PTPN3: variants seen among roughly 807,000 people sequenced by gnomAD.
PTPN3 encodes the protein protein tyrosine phosphatase non-receptor type 3.
A neutral mutation model predicts 132.7 loss-of-function variants in PTPN3; 96 were observed. The ratio of observed to expected loss-of-function variants is 0.72; its 90% CI spans 0.61 to 0.86. PTPN3 has a LOEUF of 0.86. PTPN3 is among the 40% of genes least tolerant of loss of function. The probability of loss-of-function intolerance (pLI) is 0.00; values close to 1 mark genes in which losing one functional copy is unlikely to be tolerated. For missense variants in PTPN3, 1,125 were observed against 1,159.6 expected (o/e 0.97, Z 0.43); for synonymous variants, 398 against 429.0 (o/e 0.93, Z 0.89).
intron 1 of PTPN3, among the ~76,000 whole-genome samples, chr9:109,463,935 T>C (rs982459607): frequency 2.0e-5 from 3 of 152,122 alleles, no homozygotes; most frequent in Admixed American, 6.5e-5. Flanking sequence ...AGTCGCAATA[T>C]ATACATCTGC....
At chr9:109,443,731 G>A (rs774343300) in intron 7 of PTPN3, among the ~76,000 whole-genome samples, 16 of 152,106 alleles carry the variant, frequency 1.1e-4, no homozygotes, top group Non-Finnish European at 1.8e-4. Context: ...TGAAATGGCC[G>A]GGCCTGTCCC....
intron 14 of PTPN3, among the ~76,000 whole-genome samples, chr9:109,413,060 C>T (rs1265310662): frequency 6.6e-6 from 1 of 151,888 alleles, no homozygotes; most frequent in Non-Finnish European, 1.5e-5. Flanking sequence ...ATTCTCCTGC[C>T]TCAGTCTCCC....
chr9:109,386,227 G>A (rs1193020685), intron 22 of PTPN3, among the ~76,000 whole-genome samples: 1 of 152,064 alleles, frequency 6.6e-6, no homozygotes, highest in Non-Finnish European at 1.5e-5. Context: ...GGGAGGAAAA[G>A]GGAGGAAATA....
chr9:109,445,743 C>A (rs1304811097), intron 6 of PTPN3, among the ~76,000 whole-genome samples: 1 of 152,200 alleles, frequency 6.6e-6, no homozygotes, highest in Non-Finnish European at 1.5e-5. Flanking sequence ...TACCCTCTTT[C>A]TAAAATAGTA....
chr9:109,398,585 T>C (rs1471486525), intron 19 of PTPN3, among the ~76,000 whole-genome samples: 1 of 152,192 alleles, frequency 6.6e-6, no homozygotes, highest in Non-Finnish European at 1.5e-5. Context: ...TGGTGGTCTT[T>C]TGTAGCCACT....
At chr9:109,417,589 C>G (rs1485964822) in intron 14 of PTPN3, 1 of 984,412 alleles carries the variant, frequency 1.0e-6, no homozygotes, top group Non-Finnish European at 1.2e-6. Flanking sequence ...TACTTCTTAC[C>G]TGGAGCAATG....
chr9:109,463,269 A>G, intron 2 of PTPN3, 28 bp downstream of exon 2: 2 of 1,530,532 alleles, frequency 1.3e-6, no homozygotes, highest in Non-Finnish European at 1.8e-6. Flanking sequence ...AATTCAGGAA[A>G]AGTAAAAAAA....
the PTPN3 span, among the ~76,000 whole-genome samples, chr9:109,526,740 G>A: frequency 1.3e-5 from 2 of 152,154 alleles, no homozygotes; most frequent in Admixed American, 6.5e-5. Context: ...AATAGAAGAA[G>A]ATGAACAGAG....
At chr9:109,451,328 G>T (rs1845233952) in intron 5 of PTPN3, 3 of 979,478 alleles carry the variant, frequency 3.1e-6, no homozygotes, top group Non-Finnish European at 3.6e-6. Context: ...TAAATCTGGT[G>T]CCCAAATCCC....
intron 1 of PTPN3, among the ~76,000 whole-genome samples, chr9:109,490,110 G>A (rs1158434004): frequency 6.6e-6 from 1 of 152,036 alleles, no homozygotes; most frequent in Non-Finnish European, 1.5e-5. Flanking sequence ...TTGAACCCAG[G>A]AGGCAGAGGT....
intron 1 of PTPN3, among the ~76,000 whole-genome samples, chr9:109,476,797 C>T (rs12554549): frequency 0.049 from 7,482 of 152,280 alleles, 290 homozygotes; most frequent in Admixed American, 0.1. Flanking sequence ...GGGCCTGGCC[C>T]GCCACAGCCA....
chr9:109,422,780 T>C lies in PTPN3; in HGVS notation c.1074A>G (p.Leu358=). The C allele has an allele frequency of 1.2e-6, 2 of 1,611,538 alleles. No homozygotes were observed. The highest frequency in any genetic ancestry group is 1.7e-4 in the Middle Eastern group (1 of 6,060). Reference sequence around the variant, plus strand: ...TCTTGGTTTCTAAGTGCTCCACTGATAAGGATCTCCGCATGGCTGGGTTCC... The same window carrying C: ...TCTTGGTTTCTAAGTGCTCCACTGACAAGGATCTCCGCATGGCTGGGTTCC... ...MVWNPAMRRS[L]SVEHLETKSL... Residue 358 remains leucine, a synonymous_variant, in exon 13 of 26, where the codon TTA becomes TTG. Transcript: ENST00000374541.
chr9:109,463,239 A>G (rs1008208557), intron 2 of PTPN3, 58 bp downstream of exon 2: 2 of 1,437,076 alleles, frequency 1.4e-6, no homozygotes. Context: ...AAGAGATGAA[A>G]ACTATTTGTT....
intron 25 of PTPN3, 41 bp downstream of exon 25, chr9:109,381,611 C>T: frequency 6.2e-7 from 1 of 1,611,006 alleles, no homozygotes; most frequent in Non-Finnish European, 8.5e-7. Flanking sequence ...TGTAAGTGCT[C>T]AGAAAGTGCC....
chr9:109,485,246 G>A (rs1208920819), intron 1 of PTPN3, among the ~76,000 whole-genome samples: 3 of 151,994 alleles, frequency 2.0e-5, no homozygotes, highest in African/African-American at 7.3e-5. Context: ...GGTGGCTCAC[G>A]CCTGTAATCC....
chr9:109,522,131 A>G, the PTPN3 span, among the ~76,000 whole-genome samples: 27 of 152,338 alleles, frequency 1.8e-4, no homozygotes, highest in Admixed American at 1.5e-3. Context: ...GCAGACCATC[A>G]GCATTAACCG....
At chr9:109,436,824 C>T in intron 9 of PTPN3, 59 bp downstream of exon 9, 2 of 1,551,144 alleles carry the variant, frequency 1.3e-6, no homozygotes, top group Non-Finnish European at 8.7e-7. Context: ...ATTTTTCAAA[C>T]TCTCAGAGAT....
intron 5 of PTPN3, chr9:109,450,060 A>G (rs1845147481): frequency 1.0e-6 from 1 of 984,226 alleles, no homozygotes; most frequent in African/African-American, 1.7e-5. Context: ...TCTTATTTTA[A>G]CCTGGATGAT....
At chr9:109,520,020 G>A in the PTPN3 span, among the ~76,000 whole-genome samples, 5 of 152,236 alleles carry the variant, frequency 3.3e-5, no homozygotes, top group Admixed American at 1.3e-4. Flanking sequence ...TTAGCCAGGC[G>A]TGGTGGTGGG....
Sources: allele counts gnomAD v4.1 joint callset (sites outside exome capture counted in the v4.1 genomes callset), GRCh38; gene constraint gnomAD v4.1.1; transcripts MANE v1.5; gene names NCBI Gene and HGNC (gene_info 2026-07-23, HGNC 2026-07-21).